DMXL1: variants seen among roughly 807,000 people sequenced by gnomAD.
DMXL1 encodes dmX-like protein 1.
Under a neutral mutation model 319.2 loss-of-function variants are expected in DMXL1, and 99 were observed. The observed-to-expected ratio is 0.31, with a 90% confidence interval of 0.26 to 0.37. The LOEUF (loss-of-function observed/expected upper bound fraction) is 0.37, where lower values mean the gene tolerates loss of function less well. Among genes scored for constraint, DMXL1 ranks in the 10% least tolerant of loss-of-function variants. The probability of loss-of-function intolerance (pLI) is 1.00; values close to 1 mark genes in which losing one functional copy is unlikely to be tolerated. For missense variants in DMXL1, 3,745 were observed against 3,595.6 expected (o/e 1.04, Z -1.06); for synonymous variants, 1,385 against 1,235.2 (o/e 1.12, Z -2.54).
chr5:119,123,330 G>GAGAGGAGGGAGAGGA (rs1258678705), intron 9 of DMXL1, among the ~76,000 whole-genome samples: 2 of 125,008 alleles, frequency 1.6e-5, no homozygotes, highest in African/African-American at 2.6e-5. Context: ...AGGGGAGAGG[G>GAGAGGAGGGAGAGGA]AGAGGAGGGA....
chr5:119,114,612 G>A (rs1460339398), intron 6 of DMXL1, 71 bp downstream of exon 6: 12 of 957,828 alleles, frequency 1.3e-5, no homozygotes, highest in Non-Finnish European at 1.8e-5. Context: ...AACATCAACT[G>A]GCTTCATTCT....
Position 119,177,416 on chromosome 5 carries a change from G to C in DMXL1, c.6818G>C (p.Arg2273Pro), listed in dbSNP as rs1360388420. The C allele has an allele frequency of 6.2e-7, 1 of 1,608,596 alleles. No individual in the cohort carries two copies. The highest frequency in any genetic ancestry group is 1.3e-5 in the African/African-American group (1 of 74,714). Residue 2273 changes from arginine (R) to proline (P), a missense_variant, in exon 27 of 44, where the codon CGA (arginine) becomes CCA (proline). By Grantham distance (103) the Arg-to-Pro change is moderately radical (BLOSUM62 -2). Around this residue, in one of 4 missense-constraint regions of DMXL1, gnomAD observed 1,382 missense variants for 1,269.5 expected, o/e 1.09. Transcript: ENST00000539542. ...TATCAGACAGTACTGCTTCCTCATC[G>C]ACCTTCTTTGAAAACAGGAAGCTTA... Reference protein sequence around the residue: ...MVYQTVLLPHRPSLKTGSLDE... With the variant: ...MVYQTVLLPHPPSLKTGSLDE...
intron 9 of DMXL1, among the ~76,000 whole-genome samples, chr5:119,121,593 T>TG (rs1423963489): frequency 6.6e-6 from 1 of 152,114 alleles, no homozygotes; most frequent in Non-Finnish European, 1.5e-5. Context: ...AGCACAGGGT[T>TG]GGGGGTAAGG....
intron 28 of DMXL1, among the ~76,000 whole-genome samples, chr5:119,180,978 G>A (rs1265385771): frequency 1.3e-5 from 2 of 152,196 alleles, no homozygotes; most frequent in African/African-American, 4.8e-5. Context: ...CTAGCCATCA[G>A]GTCTCAATTT....
At chr5:119,144,277 T>C (rs1305195239) in intron 14 of DMXL1, among the ~76,000 whole-genome samples, 1 of 151,772 alleles carries the variant, frequency 6.6e-6, no homozygotes, top group Non-Finnish European at 1.5e-5. Context: ...AGGTTCCAAT[T>C]TGTGGCTAAA....
chr5:119,096,991 G>T (rs147095230), intron 1 of DMXL1, among the ~76,000 whole-genome samples: 136 of 152,290 alleles, frequency 8.9e-4, no homozygotes, highest in African/African-American at 3.2e-3. Flanking sequence ...GATATATGCC[G>T]TGAAGAAAAT....
At chr5:119,084,930 C>G (rs1292529410) in intron 1 of DMXL1, among the ~76,000 whole-genome samples, 1 of 151,400 alleles carries the variant, frequency 6.6e-6, no homozygotes, top group Non-Finnish European at 1.5e-5. Flanking sequence ...ATTAATTCTT[C>G]CAATCCATGA....
chr5:119,125,064 T>G (rs534202803), intron 9 of DMXL1, among the ~76,000 whole-genome samples: 1 of 152,232 alleles, frequency 6.6e-6, no homozygotes, highest in Non-Finnish European at 1.5e-5. Context: ...TTGCAATAGA[T>G]ACATTAAATT....
At chr5:119,245,695 A>G (rs1789621144) in intron 43 of DMXL1, among the ~76,000 whole-genome samples, 2 of 151,862 alleles carry the variant, frequency 1.3e-5, no homozygotes, top group Admixed American at 1.3e-4. Context: ...GTGCGCCACT[A>G]CACCCTGCTA....
chr5:119,183,462 A>G (rs957444780), intron 28 of DMXL1, among the ~76,000 whole-genome samples: 5 of 152,124 alleles, frequency 3.3e-5, no homozygotes, highest in Admixed American at 6.6e-5. Context: ...ATTCTGTGGA[A>G]GGGAATACTT....
intron 1 of DMXL1, among the ~76,000 whole-genome samples, chr5:119,091,010 A>G (rs1266011316): frequency 6.6e-6 from 1 of 152,018 alleles, no homozygotes; most frequent in Non-Finnish European, 1.5e-5. Context: ...TGATTTTTTA[A>G]AAATATTTCA....
chr5:119,193,422 CA>C (rs1554135225), intron 29 of DMXL1, among the ~76,000 whole-genome samples: 2 of 152,132 alleles, frequency 1.3e-5, no homozygotes, highest in Non-Finnish European at 2.9e-5. Context: ...TCGTACTTTT[CA>C]AAGAGGCCTT....
chr5:119,133,983 A>G lies in DMXL1; in HGVS notation c.2059A>G (p.Asn687Asp). ...TGAAGAATGCTCTTTGACACAACAA[A>G]ATAAAAGCACTGTTGACGTGGCATT... ...NIEECSLTQQ[N>D]KSTVDVAFQD... Residue 687 changes from asparagine to aspartate, a missense_variant, in exon 12 of 44, where the codon AAT becomes GAT. Asn to Asp is a conservative substitution (Grantham distance 23). This residue lies in a region of DMXL1 where 2,096 missense variants were observed against 1,985.4 expected (regional missense o/e 1.06). Coordinates refer to ENST00000539542, the MANE Select transcript of DMXL1 (RefSeq NM_001290321.3). 6.2e-7 allele frequency: 1 copy of G among 1,614,212 alleles called. No individual in the cohort carries two copies. The highest frequency in any genetic ancestry group is 1.1e-5 in the South Asian group (1 of 91,076).
chr5:119,103,907 A>AT (rs1162275912), intron 3 of DMXL1, among the ~76,000 whole-genome samples: 1 of 152,162 alleles, frequency 6.6e-6, no homozygotes, highest in Non-Finnish European at 1.5e-5. Context: ...TAATTGATGA[A>AT]TGTAATGTAT....
chr5:119,132,921 C>T (rs1561674520), intron 10 of DMXL1: 10 of 607,534 alleles, frequency 1.6e-5, no homozygotes, highest in South Asian at 4.0e-5. Flanking sequence ...TATCATTAAG[C>T]ATTACATTTA....
intron 1 of DMXL1, among the ~76,000 whole-genome samples, chr5:119,074,819 G>C (rs957369417): frequency 1.3e-5 from 2 of 152,212 alleles, no homozygotes; most frequent in Admixed American, 6.5e-5. Context: ...CTAGAACAGT[G>C]ATTGAAAGAG....
At position 119,147,274 on chromosome 5, in the gene DMXL1, C is replaced by T. The variant is rs145458829; in HGVS notation, c.2715C>T (p.Ser905=). The change falls in exon 17 of 44, where the codon TCC becomes TCT. Residue 905 remains serine, a synonymous_variant. Coordinates refer to ENST00000539542, the MANE Select transcript of DMXL1 (RefSeq NM_001290321.3). ...ATGAAAAAGTAGATACAAAATTATC[C>T]GAAGCGGTTTGGCAGCCAGAAGAAC... ...SLDEKVDTKL[S]EAVWQPEEHY... 882 of 1,612,786 alleles carry T rather than the reference C, an allele frequency of 5.5e-4. 12 individuals carry two copies. In the East Asian group the frequency reaches 0.017, roughly 31 times the overall value.
Position 119,232,817 on chromosome 5 carries a change from A to AG in DMXL1, c.8339-523_8339-522insG, listed in dbSNP as rs1787023688. On this transcript the variant is annotated intron_variant, in intron 38 of 43. Coordinates refer to ENST00000539542, the MANE Select transcript of DMXL1 (RefSeq NM_001290321.3). ...TGCAAGACCCTGTCTCTAAAAAAAA[A>AG]AAAAATTAACTACAAAATTACAAAA... Among the ~76,000 whole-genome samples the AG allele has an allele frequency of 2.0e-5, 3 of 152,048 alleles. No individual in the cohort carries two copies. In the East Asian group the frequency reaches 5.8e-4, roughly 29 times the overall value.
At chr5:119,165,619 A>G (rs1228048714) in intron 21 of DMXL1, among the ~76,000 whole-genome samples, 1 of 152,226 alleles carries the variant, frequency 6.6e-6, no homozygotes, top group Non-Finnish European at 1.5e-5. Flanking sequence ...GCAATTTACA[A>G]AAGAAAGAGG....
Sources: allele counts gnomAD v4.1 joint callset (sites outside exome capture counted in the v4.1 genomes callset), GRCh38; gene constraint gnomAD v4.1.1; regional missense constraint gnomAD v4.1.1; transcripts MANE v1.5; gene names NCBI Gene and HGNC (gene_info 2026-07-23, HGNC 2026-07-21).